Variants in RIT2 observed in about 807,000 individuals in gnomAD.
The protein encoded by RIT2 is Ras like without CAAX 2, also known as GTP-binding protein Rit2.
RIT2 carries 24 observed loss-of-function variants against 23.7 expected under a neutral mutation model. The observed-to-expected ratio is 1.01, with a 90% CI of 0.73 to 1.43. The LOEUF is 1.43. Ranked by LOEUF, RIT2 falls within the 40% of genes most tolerant of loss-of-function variation. The probability of loss-of-function intolerance (pLI) is 0.00; values close to 1 mark genes in which losing one functional copy is unlikely to be tolerated. For synonymous variants in RIT2, 107 were observed against 91.1 expected (o/e 1.17, Z -0.99); for missense variants, 236 against 266.9 (o/e 0.88, Z 0.81).
At chr18:42,959,091 C>T (rs1910040856) in intron 3 of RIT2, among the ~76,000 whole-genome samples, 1 of 152,160 alleles carries the variant, frequency 6.6e-6, no homozygotes, top group Admixed American at 6.6e-5. Context: ...CTGTCTTTTG[C>T]ACTAGACCAC....
At chr18:43,109,214 G>A (rs1337644270) in intron 1 of RIT2, among the ~76,000 whole-genome samples, 3 of 152,186 alleles carry the variant, frequency 2.0e-5, no homozygotes, top group Admixed American at 6.5e-5. Flanking sequence ...GCACATGGCC[G>A]TGGGAGAGAA....
At chr18:42,816,567 T>C (rs994906878) in intron 4 of RIT2, among the ~76,000 whole-genome samples, 2 of 152,074 alleles carry the variant, frequency 1.3e-5, no homozygotes, top group Non-Finnish European at 2.9e-5. Context: ...GAGCCTCAGG[T>C]TTTTAAGTGT....
chr18:43,015,182 A>C (rs1911445270), intron 2 of RIT2, among the ~76,000 whole-genome samples: 1 of 151,706 alleles, frequency 6.6e-6, no homozygotes, highest in Non-Finnish European at 1.5e-5. Flanking sequence ...TAAAATATTG[A>C]GCTATAGCAG....
At chr18:43,093,425 C>G (rs1424729253) in intron 1 of RIT2, among the ~76,000 whole-genome samples, 2 of 152,008 alleles carry the variant, frequency 1.3e-5, no homozygotes, top group Non-Finnish European at 2.9e-5. Context: ...AGCTACATTT[C>G]AGGGAAATGT....
chr18:42,948,882 TA>T, intron 3 of RIT2: 1 of 393,928 alleles, frequency 2.5e-6, no homozygotes, highest in South Asian at 1.4e-4. Flanking sequence ...AATCCCAAAG[TA>T]TAGGAAAGGA....
intron 4 of RIT2, among the ~76,000 whole-genome samples, chr18:42,797,569 C>T (rs1905405042): frequency 6.6e-6 from 1 of 152,076 alleles, no homozygotes; most frequent in African/African-American, 2.4e-5. Context: ...TGTTGCAAAA[C>T]ATGAGAAAGG....
chr18:42,937,215 A>G (rs1344037605), intron 3 of RIT2, among the ~76,000 whole-genome samples: 1 of 152,190 alleles, frequency 6.6e-6, no homozygotes, highest in Non-Finnish European at 1.5e-5. Context: ...TGGTTCTAAC[A>G]TGGTTTGCCT....
chr18:43,013,111 C>T (rs2144256443), intron 2 of RIT2, among the ~76,000 whole-genome samples: 1 of 151,904 alleles, frequency 6.6e-6, no homozygotes, highest in African/African-American at 2.4e-5. Flanking sequence ...TTCGTGTGTA[C>T]ATACATGTGT....
intron 2 of RIT2, among the ~76,000 whole-genome samples, chr18:43,013,186 T>C (rs940483271): frequency 9.9e-5 from 15 of 151,904 alleles, no homozygotes; most frequent in Non-Finnish European, 1.9e-4. Context: ...ATCAACATGA[T>C]GACTTTGAAA....
chr18:43,035,201 TTC>T (rs1568062501), intron 1 of RIT2, among the ~76,000 whole-genome samples: 1 of 152,148 alleles, frequency 6.6e-6, no homozygotes, highest in Non-Finnish European at 1.5e-5. Flanking sequence ...GGAAGAGAAT[TTC>T]TGTTTTATGC....
intron 4 of RIT2, among the ~76,000 whole-genome samples, chr18:42,773,088 A>C (rs1001993808): frequency 8.5e-5 from 13 of 152,204 alleles, no homozygotes; most frequent in Admixed American, 6.5e-5. Context: ...CCAAGGAAAA[A>C]TAAAATTGTT....
chr18:42,837,587 G>T (rs1450995666), intron 4 of RIT2, among the ~76,000 whole-genome samples: 1 of 152,134 alleles, frequency 6.6e-6, no homozygotes, highest in Admixed American at 6.5e-5. Context: ...ATTCAAAGCT[G>T]TTAGGAGACT....
At chr18:43,114,213 C>T (rs1160978864) in intron 1 of RIT2, among the ~76,000 whole-genome samples, 1 of 152,162 alleles carries the variant, frequency 6.6e-6, no homozygotes, top group Non-Finnish European at 1.5e-5. Flanking sequence ...CTACTGACCA[C>T]ATCCAGATGT....
chr18:43,103,898 G>A (rs1302499317), intron 1 of RIT2, among the ~76,000 whole-genome samples: 2 of 151,942 alleles, frequency 1.3e-5, no homozygotes, highest in Non-Finnish European at 2.9e-5. Context: ...GGGATATGGG[G>A]GTTTAAAAGA....
chr18:42,829,637 T>A (rs16977004), intron 4 of RIT2, among the ~76,000 whole-genome samples: 2 of 152,052 alleles, frequency 1.3e-5, no homozygotes, highest in Non-Finnish European at 2.9e-5. Flanking sequence ...CCACCTTTCT[T>A]GCTATGTTTC....
At chr18:42,841,054 T>C (rs1210191642) in intron 4 of RIT2, among the ~76,000 whole-genome samples, 2 of 152,072 alleles carry the variant, frequency 1.3e-5, no homozygotes, top group East Asian at 3.9e-4. Flanking sequence ...CAGGCAGAAA[T>C]TGGTACCTAA....
intron 2 of RIT2, among the ~76,000 whole-genome samples, chr18:42,977,667 T>C (rs2144208885): frequency 6.6e-6 from 1 of 151,718 alleles, no homozygotes; most frequent in Admixed American, 6.6e-5. Flanking sequence ...GTTTGTAAAA[T>C]AATGGTGGGA....
In RIT2 at chr18:42,905,892, G is replaced by C. The variant is rs540410944; in HGVS notation, c.426+17680C>G. On this transcript the variant is annotated intron_variant, in intron 4 of 4. Transcript: ENST00000326695. Reference sequence around the variant, plus strand: ...AGGTGGCTGGCTTTAGCAGAACTAGGGATAAAGGCTAAGGAGGAAAAAAAA... The same window carrying C: ...AGGTGGCTGGCTTTAGCAGAACTAGCGATAAAGGCTAAGGAGGAAAAAAAA... Among the ~76,000 whole-genome samples, 10 of 148,760 alleles carry C rather than the reference G, an allele frequency of 6.7e-5. No individual in the cohort carries two copies. In the South Asian group the frequency reaches 2.1e-3, roughly 32 times the overall value.
At chr18:43,042,863 G>A (rs909444469) in intron 1 of RIT2, among the ~76,000 whole-genome samples, 2 of 152,022 alleles carry the variant, frequency 1.3e-5, no homozygotes, top group Non-Finnish European at 2.9e-5. Flanking sequence ...AATTATTATA[G>A]CACTGTTATT....
Sources: allele counts gnomAD v4.1 joint callset (sites outside exome capture counted in the v4.1 genomes callset), GRCh38; gene constraint gnomAD v4.1.1; transcripts MANE v1.5; gene names NCBI Gene and HGNC (gene_info 2026-07-23, HGNC 2026-07-21).